GPD2: variants seen among roughly 807,000 people sequenced by gnomAD.
GPD2 encodes glycerol-3-phosphate dehydrogenase, mitochondrial.
Under a neutral mutation model 82.4 loss-of-function variants are expected in GPD2, and 54 were observed. The ratio of observed to expected loss-of-function variants is 0.66; its 90% CI spans 0.53 to 0.82. GPD2 has a LOEUF of 0.82. GPD2 is among the 40% of genes least tolerant of loss of function. GPD2 has a pLI of 0.00. For synonymous variants in GPD2, 288 were observed against 306.1 expected, an observed-to-expected ratio of 0.94 and a Z score of 0.62; for missense variants, 748 against 896.2, an observed-to-expected ratio of 0.83 and a Z score of 2.11.
chr2:156,570,013 TG>T, intron 11 of GPD2, 73 bp from the exon 12 acceptor site: 1 of 1,222,518 alleles, frequency 8.2e-7, no homozygotes, highest in Non-Finnish European at 1.2e-6. Context: ...AAGATAAGCA[TG>T]TGTGCTTTTT....
At chr2:156,443,891 C>T (rs867079883) in intron 1 of GPD2, among the ~76,000 whole-genome samples, 1 of 152,184 alleles carries the variant, frequency 6.6e-6, no homozygotes, top group Non-Finnish European at 1.5e-5. Context: ...CAAAAATTAC[C>T]TTGTCCCCCT....
At chr2:156,451,954 C>T (rs918936120) in intron 1 of GPD2, among the ~76,000 whole-genome samples, 1 of 146,312 alleles carries the variant, frequency 6.8e-6, no homozygotes, top group East Asian at 2.1e-4. Context: ...ACATCCCAGA[C>T]GGGGCGGCGG....
At chr2:156,452,201 G>A (rs539340552) in intron 1 of GPD2, among the ~76,000 whole-genome samples, 2 of 152,358 alleles carry the variant, frequency 1.3e-5, no homozygotes, top group East Asian at 3.9e-4. Context: ...GCCAAGGCAG[G>A]CGGCTGGGAG....
At chr2:156,444,718 A>AACACACACAC (rs914925393) in intron 1 of GPD2, among the ~76,000 whole-genome samples, 71 of 29,812 alleles carry the variant, frequency 2.4e-3, no homozygotes, top group Non-Finnish European at 2.4e-3. Context: ...CTCAAAAACA[A>AACACACACAC]ATACACACAC....
At chr2:156,571,067 T>G in intron 12 of GPD2, 67 bp from the exon 13 acceptor site, 1 of 1,038,558 alleles carries the variant, frequency 9.6e-7, no homozygotes, top group Non-Finnish European at 1.5e-6. Context: ...TTTTTTTAAG[T>G]GAAGCTTTAT....
At chr2:156,449,936 G>A (rs1682496527) in intron 1 of GPD2, among the ~76,000 whole-genome samples, 1 of 152,048 alleles carries the variant, frequency 6.6e-6, no homozygotes, top group African/African-American at 2.4e-5. Flanking sequence ...CCTTGAACCT[G>A]GGAGGTGGAG....
At chr2:156,455,024 G>A (rs1211768203) in intron 1 of GPD2, among the ~76,000 whole-genome samples, 1 of 152,048 alleles carries the variant, frequency 6.6e-6, no homozygotes, top group East Asian at 1.9e-4. Context: ...TAACCCTGGG[G>A]GAGAGGGAGG....
In GPD2 at chr2:156,528,595, C is replaced by T. The variant is rs1045577720; in HGVS notation, c.661+15099C>T. Among the ~76,000 whole-genome samples, 6 of 120,544 alleles carry T rather than the reference C, an allele frequency of 5.0e-5. No individual in the cohort carries two copies. In the East Asian group the frequency reaches 1.7e-3, roughly 34 times the overall value. The allele number at this position is 120,544 out of a possible 152,430, so 79.1% of individuals were successfully genotyped here. A position where few individuals can be genotyped will look rare whatever the true frequency, so the allele number is the denominator to read the frequency against. On this transcript the variant is annotated intron_variant, in intron 6 of 16. Transcript: ENST00000438166. ...CAATGCTATCCCTCCCCCCTCCCCC[C>T]ACCCCACAACAGGCCCCAGAGTGTG...
chr2:156,421,157 G>A, the GPD2 span, among the ~76,000 whole-genome samples: 1 of 152,174 alleles, frequency 6.6e-6, no homozygotes, highest in African/African-American at 2.4e-5. Context: ...ACCACCCTTT[G>A]AGTAGCAAAG....
chr2:156,469,669 C>T (rs183225648), intron 1 of GPD2, among the ~76,000 whole-genome samples: 2 of 152,202 alleles, frequency 1.3e-5, no homozygotes, highest in East Asian at 1.9e-4. Flanking sequence ...CAAGGCTGGT[C>T]GTTGAAATTA....
intron 1 of GPD2, among the ~76,000 whole-genome samples, chr2:156,458,894 G>A (rs1295255860): frequency 6.6e-6 from 1 of 151,956 alleles, no homozygotes; most frequent in Non-Finnish European, 1.5e-5. Context: ...AAATAAAAAT[G>A]ATTCATAATA....
rs1246861581 is a variant in GPD2, at chr2:156,583,932, G to A, written c.*1014G>A. The A allele has an allele frequency of 6.6e-6, 1 of 152,226 alleles. No individual in the cohort carries two copies. Among genetic ancestry groups the A allele is most frequent in the Non-Finnish European group, 1.5e-5 (1 of 67,954 alleles). 9.4% of individuals were successfully genotyped at this position (152,226 alleles called of 1,614,324 possible). The stretch of plus-strand genomic sequence containing the variant: ...CTTACCATCTTTTTTGGGGGTACTT[G>A]CAACCATAGTAAAGGAAGATGGAAT... On this transcript the variant is annotated 3_prime_UTR_variant, in exon 17 of 17. Coordinates refer to ENST00000438166, the MANE Select transcript of GPD2 (RefSeq NM_000408.5).
intron 2 of GPD2, among the ~76,000 whole-genome samples, chr2:156,476,432 CTG>C (rs1683515326): frequency 6.6e-6 from 1 of 152,132 alleles, no homozygotes; most frequent in Admixed American, 6.5e-5. Flanking sequence ...ATTATTTAGC[CTG>C]TGTTTTGGCT....
rs542950582 is a variant in GPD2, at chr2:156,493,926, ATG to A, written c.103-2086_103-2085del. ...TTCTATGTACTTGTTATATATATGT[ATG>A]TGTGTGTGTGTGTGTGTGTGTGTGT... is the stretch of plus-strand genomic sequence containing the variant. On this transcript the variant is annotated intron_variant, in intron 2 of 16. Transcript: ENST00000438166. Among the ~76,000 whole-genome samples the A allele has an allele frequency of 5.8e-3, 794 of 136,286 alleles. 5 individuals are homozygous for A. The highest frequency in any genetic ancestry group is 0.02 in the African/African-American group (739 of 37,162). The allele number at this position is 136,286 out of a possible 152,430, so 89.4% of individuals were successfully genotyped here. A position where few individuals can be genotyped will look rare whatever the true frequency, so the allele number is the denominator to read the frequency against.
chr2:156,409,493 C>G, the GPD2 span, among the ~76,000 whole-genome samples: 1 of 151,606 alleles, frequency 6.6e-6, no homozygotes, highest in Non-Finnish European at 1.5e-5. Flanking sequence ...GCCAGGTGTT[C>G]AAGACCAGCC....
At chr2:156,553,161 TAC>T (rs1558957862) in intron 8 of GPD2, among the ~76,000 whole-genome samples, 2 of 152,062 alleles carry the variant, frequency 1.3e-5, no homozygotes, top group East Asian at 3.9e-4. Flanking sequence ...GTGCTGGGAT[TAC>T]AGACGTGAGC....
Position 156,509,947 on chromosome 2 carries a change from A to G in GPD2, c.275-849A>G, listed in dbSNP as rs561064788. 5.9e-5 allele frequency among the ~76,000 whole-genome samples: 9 copies of G among 151,532 alleles called. 1 individual carries two copies. In the South Asian group the frequency reaches 1.0e-3, roughly 18 times the overall value. ...TGCCACCATGCCACCATGCCCAGCT[A>G]ATTTTTTGTATTTTTAGTAGAGACA... is the stretch of plus-strand genomic sequence containing the variant. On this transcript the variant is annotated intron_variant, in intron 3 of 16. Coordinates refer to ENST00000438166, the MANE Select transcript of GPD2 (RefSeq NM_000408.5).
At chr2:156,513,590 T>A in intron 6 of GPD2, 94 bp downstream of exon 6, 1 of 951,258 alleles carries the variant, frequency 1.1e-6, no homozygotes, top group Non-Finnish European at 1.7e-6. Flanking sequence ...TTTGCATCTT[T>A]AAATACTAAT....
At chr2:156,415,910 A>G in the GPD2 span, among the ~76,000 whole-genome samples, 8 of 98,382 alleles carry the variant, frequency 8.1e-5, 1 homozygote, top group Non-Finnish European at 1.8e-4. Flanking sequence ...AATCCCAGCT[A>G]CTTGGGAGGC....
Sources: gnomAD v4.1 joint callset for allele counts (sites outside exome capture counted in the v4.1 genomes callset) on GRCh38, gnomAD v4.1.1 for gene constraint, MANE v1.5 for transcripts, NCBI Gene and HGNC (gene_info 2026-07-23, HGNC 2026-07-21) for gene names.